The following MRAP variants were observed in gnomAD, a reference collection of about 807,000 sequenced individuals.
MRAP encodes melanocortin 2 receptor accessory protein, also known as melanocortin-2 receptor accessory protein.
In MRAP, 8 loss-of-function variants were observed where a neutral mutation model predicts 8.7. That is an observed-to-expected ratio of 0.92 (90% confidence interval 0.54 to 1.66). The LOEUF is 1.66. Ranked by LOEUF, MRAP falls within the 40% of genes most tolerant of loss-of-function variation. The pLI, the probability that MRAP is intolerant of heterozygous loss-of-function variation, is 0.00. For synonymous variants in MRAP, 95 were observed against 95.5 expected (o/e 1.00, Z 0.03); for missense variants, 237 against 217.1 (o/e 1.09, Z -0.58).
upstream of MRAP, among the ~76,000 whole-genome samples, chr21:32,298,431 G>A (rs550419425): frequency 1.3e-5 from 2 of 152,250 alleles, no homozygotes; most frequent in East Asian, 1.9e-4. Context: ...ACAAGTTCAC[G>A]GCTGGCATCA....
chr21:32,299,206 C>T (rs1048477527), intron 1 of MRAP, 129 bp downstream of exon 1: 7 of 728,900 alleles, frequency 9.6e-6, no homozygotes, highest in Non-Finnish European at 1.2e-5. Context: ...AGGAATGTGG[C>T]CAGTTCACTC....
chr21:32,295,862 A>G (rs2123490862), upstream of MRAP, among the ~76,000 whole-genome samples: 1 of 152,186 alleles, frequency 6.6e-6, no homozygotes, highest in South Asian at 2.1e-4. Flanking sequence ...TGTAATCTCA[A>G]CTACTTGGGA....
upstream of MRAP, chr21:32,298,789 AC>A (rs983599589): frequency 3.4e-5 from 20 of 586,096 alleles, no homozygotes; most frequent in Non-Finnish European, 5.9e-5. Flanking sequence ...TGTGAGACAC[AC>A]CCCCCTGACC....
chr21:32,310,516 T>C (rs2032534058), intron 2 of MRAP, among the ~76,000 whole-genome samples: 1 of 152,210 alleles, frequency 6.6e-6, no homozygotes. Flanking sequence ...TGTGAGCCAA[T>C]ATTGTCCCAT....
In MRAP at chr21:32,299,019, C is replaced by G. The variant is rs768691328; in HGVS notation, c.48C>G (p.Tyr16Ter). 5 of 1,614,230 alleles carry G rather than the reference C, an allele frequency of 3.1e-6. No individual in the cohort carries two copies. The highest frequency in any genetic ancestry group is 4.2e-6 in the Non-Finnish European group (5 of 1,180,044). The change falls in exon 1 of 3, where the codon TAC (tyrosine) becomes TAG (stop). Residue 16 changes from tyrosine to a stop codon, truncating the protein, a stop_gained. Transcript: ENST00000303645. LOFTEE classifies it high-confidence loss of function. Reference sequence around the variant, plus strand: ...CTGCCCCATACTACAGCTATGAATACTACCTGGACTATCTGGACCTCATTC... The same window carrying G: ...CTGCCCCATACTACAGCTATGAATAGTACCTGGACTATCTGGACCTCATTC... ...NASAPYYSYE[Y>*]YLDYLDLIPV...
In MRAP at chr21:32,312,257, A is replaced by T; in HGVS notation, c.*261A>T. The T allele has an allele frequency of 7.1e-7, 1 of 1,408,832 alleles. No homozygotes were observed. The highest frequency in any genetic ancestry group is 2.7e-5 in the East Asian group (1 of 37,594). 87.3% of individuals were successfully genotyped at this position (1,408,832 alleles called of 1,614,324 possible). On this transcript the variant is annotated 3_prime_UTR_variant, in exon 3 of 3. Transcript: ENST00000303645. ...TGCTTATATTTGCTCAGGGAAGAGT[A>T]GGAAAATAAAATATATGCAAATCAA...
At chr21:32,301,043 CAT>C (rs530168468) in intron 1 of MRAP, among the ~76,000 whole-genome samples, 153 of 151,086 alleles carry the variant, frequency 1.0e-3, no homozygotes, top group African/African-American at 2.5e-3. Flanking sequence ...TCAAATATAT[CAT>C]ATGATATATA....
At chr21:32,298,755 G>A (rs1421800725), upstream of MRAP, 2 of 516,472 alleles carry the variant, frequency 3.9e-6, no homozygotes, top group Non-Finnish European at 7.1e-6. Context: ...GGGGCAGATG[G>A]GAAGCTCTGC....
intron 1 of MRAP, among the ~76,000 whole-genome samples, chr21:32,305,475 TTC>T (rs2032392333): frequency 6.6e-6 from 1 of 152,186 alleles, no homozygotes; most frequent in African/African-American, 2.4e-5. Context: ...GGTTTGCACG[TTC>T]TCTCATTCAT....
At chr21:32,296,605 G>A (rs891851293), upstream of MRAP, among the ~76,000 whole-genome samples, 6 of 152,090 alleles carry the variant, frequency 3.9e-5, no homozygotes, top group Non-Finnish European at 7.4e-5. Flanking sequence ...TCGGCTGAAC[G>A]GCCTAGCCTA....
At chr21:32,306,951 T>G in intron 2 of MRAP, 1 of 615,700 alleles carries the variant, frequency 1.6e-6, no homozygotes, top group South Asian at 1.8e-5. Context: ...CTCATGTCAG[T>G]GCTCAGTATG....
At chr21:32,300,931 C>T (rs945843267) in intron 1 of MRAP, among the ~76,000 whole-genome samples, 2 of 151,036 alleles carry the variant, frequency 1.3e-5, no homozygotes, top group Non-Finnish European at 1.5e-5. Flanking sequence ...CATGATATAT[C>T]GTGTATGTCA....
intron 2 of MRAP, among the ~76,000 whole-genome samples, chr21:32,307,884 C>T (rs762811780): frequency 2.0e-5 from 3 of 151,896 alleles, no homozygotes; most frequent in Admixed American, 6.6e-5. Flanking sequence ...AACAAACAAA[C>T]AAAAAGTTCT....
intron 1 of MRAP, chr21:32,306,361 T>TGG (rs942956158): frequency 2.2e-6 from 1 of 445,100 alleles, no homozygotes; most frequent in Non-Finnish European, 4.2e-6. Context: ...ATGCATGGGG[T>TGG]GGGGGGGCAC....
At chr21:32,309,756 A>G (rs1292538567) in intron 2 of MRAP, among the ~76,000 whole-genome samples, 1 of 148,168 alleles carries the variant, frequency 6.7e-6, no homozygotes. Flanking sequence ...TGGCCTGGCC[A>G]GCTTGGCGAA....
intron 1 of MRAP, among the ~76,000 whole-genome samples, chr21:32,303,804 A>C (rs1338564300): frequency 6.6e-6 from 1 of 152,264 alleles, no homozygotes; most frequent in East Asian, 1.9e-4. Context: ...AACCTTCAGA[A>C]GGAAGAGGAA....
chr21:32,303,744 C>A (rs1489161742), intron 1 of MRAP, among the ~76,000 whole-genome samples: 2 of 152,248 alleles, frequency 1.3e-5, no homozygotes, highest in Non-Finnish European at 2.9e-5. Context: ...ACTGGAGAGT[C>A]ACACAGCTCT....
Position 32,312,086 on chromosome 21 carries a change from G to C in MRAP, c.*90G>C, listed in dbSNP as rs1453794154. ...TCCTCGTTCTTCTTAGAGGCCATTT[G>C]CATGTAGCAGAAAGGGCACCTAGGT... On this transcript the variant is annotated 3_prime_UTR_variant, in exon 3 of 3. Transcript: ENST00000303645. 1.3e-6 allele frequency: 2 copies of C among 1,594,690 alleles called. No individual in the cohort carries two copies.
At chr21:32,296,221 CT>C (rs907130219), upstream of MRAP, among the ~76,000 whole-genome samples, 23 of 152,110 alleles carry the variant, frequency 1.5e-4, no homozygotes, top group African/African-American at 4.6e-4. Context: ...ATTGTCATGG[CT>C]TTTTAACCTA....
Sources: gnomAD v4.1 joint callset for allele counts (sites outside exome capture counted in the v4.1 genomes callset) on GRCh38, gnomAD v4.1.1 for gene constraint, MANE v1.5 for transcripts, NCBI Gene and HGNC (gene_info 2026-07-23, HGNC 2026-07-21) for gene names.